NINJ2: variants seen among roughly 807,000 people sequenced by gnomAD.
NINJ2 encodes the protein ninjurin-2.
In NINJ2, 12 loss-of-function variants were observed where a neutral mutation model predicts 11.7. That is an observed-to-expected ratio of 1.02 (90% CI 0.66 to 1.66). The LOEUF (loss-of-function observed/expected upper bound fraction) is 1.66. NINJ2 is among the 40% of genes most tolerant of loss of function. NINJ2 has a pLI of 0.00. For missense variants in NINJ2, 187 were observed against 181.8 expected (o/e 1.03, Z -0.16); for synonymous variants, 93 against 76.8 (o/e 1.21, Z -1.10).
In NINJ2 at chr12:663,401, G is replaced by T. The variant is rs1937986206; in HGVS notation, c.-41C>A. On this transcript the variant is annotated 5_prime_UTR_variant, in exon 1 of 4. Coordinates refer to ENST00000305108, the MANE Select transcript of NINJ2 (RefSeq NM_016533.6). Reference sequence around the variant, plus strand: ...TCCCTTCACACGCACCGGGTGCCGGGAACAGACTGCGTGGGCTCCTCCAGG... The same window carrying T: ...TCCCTTCACACGCACCGGGTGCCGGTAACAGACTGCGTGGGCTCCTCCAGG... 3 of 1,614,024 alleles carry T rather than the reference G, an allele frequency of 1.9e-6. No homozygotes were observed. In the South Asian group the frequency reaches 3.3e-5, roughly 18 times the overall value.
Position 604,509 on chromosome 12 carries a change from G to A in NINJ2, c.34-38331C>T, listed in dbSNP as rs1191821050. ...AAAAATTAGCCGGGCGTGGTGGTGG[G>A]CACCTGTAATCCCAGCTACTCGGGA... is the stretch of plus-strand genomic sequence containing the variant. On this transcript the variant is annotated intron_variant, in intron 1 of 3. Coordinates refer to ENST00000305108, the MANE Select transcript of NINJ2 (RefSeq NM_016533.6). Among the ~76,000 whole-genome samples, 3 of 152,124 alleles carry A rather than the reference G, an allele frequency of 2.0e-5. No homozygotes were observed. In the East Asian group the frequency reaches 5.8e-4, roughly 29 times the overall value.
intron 1 of NINJ2, among the ~76,000 whole-genome samples, chr12:607,420 A>G (rs1947955159): frequency 6.6e-6 from 1 of 152,202 alleles, no homozygotes; most frequent in African/African-American, 2.4e-5. Context: ...AATCTCAGAA[A>G]GAGTTCCTGG....
At position 628,340 on chromosome 12, in the gene NINJ2, G is replaced by A. The variant is rs1163858741; in HGVS notation, c.33+34988C>T. Among the ~76,000 whole-genome samples, 3 of 152,066 alleles carry A rather than the reference G, an allele frequency of 2.0e-5. No homozygotes were observed. In the South Asian group the frequency reaches 6.2e-4, roughly 31 times the overall value. ...GGGAAGCCTCCTCATAGAGATCTCA[G>A]AGTACATAGGAAGGAGCCAGGTCTT... On this transcript the variant is annotated intron_variant, in intron 1 of 3. Coordinates refer to ENST00000305108, the MANE Select transcript of NINJ2 (RefSeq NM_016533.6). The surrounding 1 kb of genome is among the most constrained non-coding windows in gnomAD (Gnocchi z 4.4).
chr12:601,328 G>T (rs200566696), intron 1 of NINJ2, among the ~76,000 whole-genome samples: 45 of 144,694 alleles, frequency 3.1e-4, no homozygotes, highest in Admixed American at 4.8e-4. Flanking sequence ...GGGCGGATCA[G>T]GAAGTCAGGA....
chr12:633,238 C>T lies in NINJ2; in HGVS notation c.33+30090G>A, dbSNP rs1201461630. ...CAAGGCCGGGCGCGGTGGCTCACAC[C>T]TGTAATCCTAGCTCTTTGGGAGGCC... On this transcript the variant is annotated intron_variant, in intron 1 of 3. Coordinates refer to ENST00000305108, the MANE Select transcript of NINJ2 (RefSeq NM_016533.6). This position sits in a 1 kb window ranked among gnomAD's most constrained non-coding sequence, Gnocchi z 4.3. Among the ~76,000 whole-genome samples, 1 of 152,090 alleles carries T rather than the reference C, an allele frequency of 6.6e-6. No homozygotes were observed. The highest frequency in any genetic ancestry group is 1.5e-5 in the Non-Finnish European group (1 of 68,022).
intron 1 of NINJ2, among the ~76,000 whole-genome samples, chr12:570,424 A>G (rs1485324202): frequency 1.3e-5 from 2 of 152,214 alleles, no homozygotes; most frequent in East Asian, 3.9e-4. Context: ...TAAATCCTGC[A>G]GGGGGTCATC....
intron 1 of NINJ2, among the ~76,000 whole-genome samples, chr12:588,954 A>G (rs1037243776): frequency 5.3e-5 from 8 of 152,190 alleles, no homozygotes; most frequent in African/African-American, 1.7e-4. Context: ...AATTGTTACA[A>G]TCATTTTTTT....
intron 1 of NINJ2, among the ~76,000 whole-genome samples, chr12:621,933 A>G (rs1948157838): frequency 6.6e-6 from 1 of 151,804 alleles, no homozygotes; most frequent in African/African-American, 2.4e-5. Context: ...GGAGTTCGTG[A>G]CCAGCCTGGC....
At chr12:586,315 C>T (rs1013634417) in intron 1 of NINJ2, 4 of 152,226 alleles carry the variant, frequency 2.6e-5, no homozygotes, top group Non-Finnish European at 4.4e-5. Flanking sequence ...TTGGGAAAGC[C>T]AGTGGCTGCT....
At chr12:601,355 G>C (rs982484799) in intron 1 of NINJ2, among the ~76,000 whole-genome samples, 6 of 147,802 alleles carry the variant, frequency 4.1e-5, no homozygotes, top group East Asian at 2.1e-4. Context: ...GACCATCCTG[G>C]CTAACACAGT....
chr12:621,400 G>A (rs1948150308), intron 1 of NINJ2, among the ~76,000 whole-genome samples: 1 of 151,424 alleles, frequency 6.6e-6, no homozygotes, highest in Non-Finnish European at 1.5e-5. Flanking sequence ...GCTGTAGTGA[G>A]CTGTGATTGC....
rs146264432 is a variant in NINJ2, at chr12:600,883, G to A, written c.34-34705C>T. Among the ~76,000 whole-genome samples, 212 of 152,114 alleles carry A rather than the reference G, an allele frequency of 1.4e-3. 2 individuals carry two copies. Among genetic ancestry groups the A allele is most frequent in the African/African-American group, 4.9e-3 (202 of 41,484 alleles). On this transcript the variant is annotated intron_variant, in intron 1 of 3. Coordinates refer to ENST00000305108, the MANE Select transcript of NINJ2 (RefSeq NM_016533.6). ...TAAGTTTCTTTTTTTCTATTTGTTA[G>A]GGTTGTTCTAGTATTTATGTAATTT... is the stretch of plus-strand genomic sequence containing the variant.
chr12:569,097 G>A (rs1011163046), intron 1 of NINJ2, among the ~76,000 whole-genome samples: 3 of 152,242 alleles, frequency 2.0e-5, no homozygotes, highest in African/African-American at 4.8e-5. Context: ...GGTGCTGGGG[G>A]CAGCCAGTGA....
intron 1 of NINJ2, among the ~76,000 whole-genome samples, chr12:601,357 T>G (rs2109551): frequency 3.0e-4 from 44 of 149,092 alleles, no homozygotes; most frequent in East Asian, 6.1e-4. Flanking sequence ...CCATCCTGGC[T>G]AACACAGTGA....
At chr12:655,221 C>T (rs949560652) in intron 1 of NINJ2, among the ~76,000 whole-genome samples, 2 of 152,196 alleles carry the variant, frequency 1.3e-5, no homozygotes, top group African/African-American at 2.4e-5. Flanking sequence ...ATGAACAAGT[C>T]TTAGCAGTTT....
At chr12:589,769 T>C (rs1353594849) in intron 1 of NINJ2, among the ~76,000 whole-genome samples, 2 of 152,060 alleles carry the variant, frequency 1.3e-5, no homozygotes, top group Non-Finnish European at 2.9e-5. Flanking sequence ...AGGCTGGGCA[T>C]GCAGAGACGA....
In NINJ2 at chr12:565,383, T is replaced by A; in HGVS notation, c.281A>T (p.Glu94Val). The A allele has an allele frequency of 6.2e-7, 1 of 1,614,068 alleles. No homozygotes were observed. Among genetic ancestry groups the A allele is most frequent in the Non-Finnish European group, 8.5e-7 (1 of 1,179,994 alleles). The change falls in exon 3 of 4, where the codon GAG becomes GTG. Residue 94 changes from glutamate (E) to valine (V), a missense_variant. Physicochemically the swap from Glu to Val is moderately radical, Grantham distance 121. Coordinates refer to ENST00000305108, the MANE Select transcript of NINJ2 (RefSeq NM_016533.6). ...GTTGAGTCGCCACTGCTTTTCTACCTCATTCAGGTTCAGCCGTGCTGCAGG... is the reference window on the plus strand; with the variant it reads ...GTTGAGTCGCCACTGCTTTTCTACCACATTCAGGTTCAGCCGTGCTGCAGG... ...LVVIARLNLN[E>V]VEKQWRLNQL...
chr12:573,086 C>A (rs1263991921), intron 1 of NINJ2, among the ~76,000 whole-genome samples: 1 of 143,522 alleles, frequency 7.0e-6, no homozygotes, highest in East Asian at 2.1e-4. Flanking sequence ...AGTGCAGTGG[C>A]GCAATCTCAG....
rs564045660 is a variant in NINJ2, at chr12:580,382, G to A, written c.34-14204C>T. On this transcript the variant is annotated intron_variant, in intron 1 of 3. Coordinates refer to ENST00000305108, the MANE Select transcript of NINJ2 (RefSeq NM_016533.6). The surrounding 1 kb of genome is among the most constrained non-coding windows in gnomAD (Gnocchi z 4.7). The stretch of plus-strand genomic sequence containing the variant: ...GCAGGTGGATCACTTGAGGTCAGGA[G>A]TTTGAGATGAGCCTGGGCAAAATGG... Among the ~76,000 whole-genome samples the A allele has an allele frequency of 6.6e-6, 1 of 152,260 alleles. No individual in the cohort carries two copies. The highest frequency in any genetic ancestry group is 2.1e-4 in the South Asian group (1 of 4,818).
Sources: gnomAD v4.1 joint callset for allele counts (sites outside exome capture counted in the v4.1 genomes callset) on GRCh38, gnomAD v4.1.1 for gene constraint, Gnocchi (gnomAD v3.1) non-coding constraint, MANE v1.5 for transcripts, NCBI Gene and HGNC (gene_info 2026-07-23, HGNC 2026-07-21) for gene names.